The following TTLL11 variants were observed in gnomAD, a reference collection of about 807,000 sequenced individuals.
TTLL11 encodes tubulin tyrosine ligase like 11, also known as tubulin polyglutamylase TTLL11.
TTLL11 carries 42 observed loss-of-function variants against 51.7 expected under a neutral mutation model. The ratio of observed to expected loss-of-function variants is 0.81; its 90% confidence interval spans 0.64 to 1.05. TTLL11 has a LOEUF of 1.05. Ranked by LOEUF, TTLL11 falls within the 50% of genes least tolerant of loss-of-function variation. The probability of loss-of-function intolerance (pLI) is 0.00; values close to 1 mark genes in which losing one functional copy is unlikely to be tolerated. For synonymous variants in TTLL11, 381 were observed against 383.5 expected (o/e 0.99, Z 0.08); for missense variants, 799 against 940.4 (o/e 0.85, Z 1.97).
At chr9:121,954,954 G>T (rs898628813) in intron 6 of TTLL11, among the ~76,000 whole-genome samples, 2 of 152,142 alleles carry the variant, frequency 1.3e-5, no homozygotes, top group Non-Finnish European at 2.9e-5. Context: ...ACATGCAAGG[G>T]AAGCGTGGGG....
intron 8 of TTLL11, among the ~76,000 whole-genome samples, chr9:121,841,654 G>T (rs777267132): frequency 1.3e-5 from 2 of 152,058 alleles, no homozygotes; most frequent in African/African-American, 2.4e-5. Flanking sequence ...TGCATGGTGT[G>T]GCTGTGGTGG....
chr9:122,089,055 T>C (rs1002558896), intron 1 of TTLL11, among the ~76,000 whole-genome samples: 1 of 150,654 alleles, frequency 6.6e-6, no homozygotes, highest in African/African-American at 2.4e-5. Context: ...GAAGCGAGAT[T>C]GTGTGCCCTG....
At chr9:121,949,494 G>A (rs1168990265) in intron 6 of TTLL11, among the ~76,000 whole-genome samples, 6 of 152,176 alleles carry the variant, frequency 3.9e-5, no homozygotes, top group African/African-American at 1.4e-4. Context: ...CATTTTGTGT[G>A]ATGTCTCATA....
At chr9:121,896,002 GTGTA>G (rs1839505187) in intron 6 of TTLL11, among the ~76,000 whole-genome samples, 2 of 133,528 alleles carry the variant, frequency 1.5e-5, no homozygotes, top group South Asian at 2.4e-4. Context: ...TTGTGTGAGT[GTGTA>G]TGTGTGGTTG....
intron 8 of TTLL11, among the ~76,000 whole-genome samples, chr9:121,857,197 A>C (rs547476283): frequency 6.6e-6 from 1 of 152,326 alleles, no homozygotes; most frequent in African/African-American, 2.4e-5. Flanking sequence ...GAGGTTGGAC[A>C]GGCACCCTCT....
intron 1 of TTLL11, among the ~76,000 whole-genome samples, chr9:122,090,716 C>G (rs1176139760): frequency 6.6e-6 from 1 of 152,124 alleles, no homozygotes; most frequent in Non-Finnish European, 1.5e-5. Context: ...ATAAACAAAA[C>G]AAAGCCCCTG....
Position 121,907,493 on chromosome 9 carries a change from G to T in TTLL11, c.1482-36745C>A, listed in dbSNP as rs73664711. Among the ~76,000 whole-genome samples the T allele has an allele frequency of 9.8e-3, 1,480 of 151,764 alleles. 24 individuals are homozygous for T. Among genetic ancestry groups the T allele is most frequent in the African/African-American group, 0.034 (1,415 of 41,358 alleles). ...GAGATTTCAATGATCCTATTAAAAA[G>T]CTTGTCCGTGGATGAAGGAAAATAA... is the stretch of plus-strand genomic sequence containing the variant. On this transcript the variant is annotated intron_variant, in intron 6 of 8. Coordinates refer to ENST00000321582, the MANE Select transcript of TTLL11 (RefSeq NM_001139442.2).
chr9:121,979,429 T>C (rs898422026), intron 4 of TTLL11, among the ~76,000 whole-genome samples: 1 of 152,196 alleles, frequency 6.6e-6, no homozygotes, highest in Non-Finnish European at 1.5e-5. Context: ...AGGTTTGGGG[T>C]AATTTGCTAC....
chr9:122,026,582 A>C (rs1177144806), intron 3 of TTLL11, among the ~76,000 whole-genome samples: 3 of 152,176 alleles, frequency 2.0e-5, no homozygotes, highest in Non-Finnish European at 4.4e-5. Flanking sequence ...AAAACTGTAC[A>C]TTCTAAATAT....
chr9:121,977,805 G>T (rs1279071441), intron 4 of TTLL11, among the ~76,000 whole-genome samples: 1 of 151,694 alleles, frequency 6.6e-6, no homozygotes, highest in Non-Finnish European at 1.5e-5. Context: ...CTCCCAAGCA[G>T]CTGGGATTAC....
In TTLL11 at chr9:121,888,160, C is replaced by A. The variant is rs1839087522; in HGVS notation, c.1482-17412G>T. On this transcript the variant is annotated intron_variant, in intron 6 of 8. Transcript: ENST00000321582. ...ATAGGGTTAAGCCCATCCTGGCTGA[C>A]TGAGAAGGTCCCAAGGCCAAGTCTT... Among the ~76,000 whole-genome samples, 3 of 152,320 alleles carry A rather than the reference C, an allele frequency of 2.0e-5. No individual in the cohort carries two copies. In the South Asian group the frequency reaches 6.2e-4, roughly 32 times the overall value.
chr9:121,895,974 GTGTC>G (rs143682467), intron 6 of TTLL11, among the ~76,000 whole-genome samples: 49,479 of 124,896 alleles, frequency 0.4, 8,644 homozygotes, highest in East Asian at 0.58. Context: ...GTGTGGGTGT[GTGTC>G]TGTGGTGGGT....
At chr9:122,023,842 A>C (rs956859246) in intron 3 of TTLL11, among the ~76,000 whole-genome samples, 1 of 152,082 alleles carries the variant, frequency 6.6e-6, no homozygotes, top group African/African-American at 2.4e-5. Context: ...GAAACCTACA[A>C]CTAACAACAA....
At chr9:122,066,241 G>T (rs1845580050) in intron 1 of TTLL11, among the ~76,000 whole-genome samples, 3 of 146,506 alleles carry the variant, frequency 2.0e-5, no homozygotes, top group Admixed American at 2.0e-4. Flanking sequence ...TGGTGGTGGT[G>T]GTAGGCTTGT....
In TTLL11 at chr9:121,974,876, ATACT is replaced by A. The variant is rs1338840533; in HGVS notation, c.1365+4_1365+7del. 1.8e-5 allele frequency: 28 copies of A among 1,537,914 alleles called. No individual in the cohort carries two copies. The highest frequency in any genetic ancestry group is 2.8e-5 in the African/African-American group (2 of 72,404). ...CAACATAGTCAATGAGATGCTCAAA[ATACT>A]TACTTCGTGCTCATGTTCGATTCTC... On this transcript the variant is annotated splice_donor_5th_base_variant and intron_variant, in intron 5 of 8. Coordinates refer to ENST00000321582, the MANE Select transcript of TTLL11 (RefSeq NM_001139442.2).
intron 6 of TTLL11, among the ~76,000 whole-genome samples, chr9:121,933,251 C>A (rs750058336): frequency 6.6e-6 from 1 of 151,942 alleles, no homozygotes; most frequent in Non-Finnish European, 1.5e-5. Context: ...CGAGTGGGTA[C>A]CATAGATGCC....
At chr9:122,020,139 CT>C (rs1206218911) in intron 3 of TTLL11, among the ~76,000 whole-genome samples, 1 of 152,216 alleles carries the variant, frequency 6.6e-6, no homozygotes, top group Non-Finnish European at 1.5e-5. Context: ...TTCTCTTAAA[CT>C]TTAGTGACTC....
In TTLL11 at chr9:121,989,700, T is replaced by C; in HGVS notation, c.764A>G (p.Gln255Arg). The C allele has an allele frequency of 6.2e-7, 1 of 1,613,558 alleles. No homozygotes were observed. The highest frequency in any genetic ancestry group is 8.5e-7 in the Non-Finnish European group (1 of 1,179,542). ...TTTAATGAGGTAGATTCCATCACCCTGACAACCACCATCAGGTTTCACGAT... is the reference window on the plus strand; with the variant it reads ...TTTAATGAGGTAGATTCCATCACCCCGACAACCACCATCAGGTTTCACGAT... ...TFIVKPDGGC[Q>R]GDGIYLIKDP... is the part of the protein sequence containing the mutation. The change falls in exon 4 of 9, where the codon CAG becomes CGG. Residue 255 changes from glutamine to arginine, a missense_variant. By Grantham distance (43) the Gln-to-Arg change is conservative. Coordinates refer to ENST00000321582, the MANE Select transcript of TTLL11 (RefSeq NM_001139442.2). The surrounding 1 kb of genome is among the most constrained non-coding windows in gnomAD (Gnocchi z 4.2).
At chr9:121,914,586 C>T (rs567548982) in intron 6 of TTLL11, among the ~76,000 whole-genome samples, 2 of 152,316 alleles carry the variant, frequency 1.3e-5, no homozygotes, top group East Asian at 3.9e-4. Flanking sequence ...TCTCACCCTC[C>T]ATATAGATCA....
Sources: allele counts gnomAD v4.1 joint callset (sites outside exome capture counted in the v4.1 genomes callset), GRCh38; gene constraint gnomAD v4.1.1; non-coding constraint Gnocchi (gnomAD v3.1); transcripts MANE v1.5; gene names NCBI Gene and HGNC (gene_info 2026-07-23, HGNC 2026-07-21).